ADAMTS17: variants seen among roughly 807,000 people sequenced by gnomAD.
ADAMTS17 encodes the protein A disintegrin and metalloproteinase with thrombospondin motifs 17.
Under a neutral mutation model 141.5 loss-of-function variants are expected in ADAMTS17, and 113 were observed. That is an observed-to-expected ratio of 0.80 (90% CI 0.69 to 0.93). ADAMTS17 has a LOEUF of 0.93. Ranked by LOEUF, ADAMTS17 falls within the 40% of genes least tolerant of loss-of-function variation. The pLI is 0.00. For missense variants in ADAMTS17, 1,659 were observed against 1,517.9 expected, an observed-to-expected ratio of 1.09 and a Z score of -1.54; for synonymous variants, 768 against 630.6, an observed-to-expected ratio of 1.22 and a Z score of -3.27.
intron 1 of ADAMTS17, 150 bp from the exon 2 acceptor site, chr15:100,341,559 G>T: frequency 1.2e-6 from 1 of 861,070 alleles, no homozygotes; most frequent in Non-Finnish European, 1.4e-6. Context: ...ACGCTGGCCC[G>T]CGCCACCCGG....
At chr15:100,333,515 G>C (rs756631787) in intron 2 of ADAMTS17, among the ~76,000 whole-genome samples, 1 of 152,170 alleles carries the variant, frequency 6.6e-6, no homozygotes, top group Non-Finnish European at 1.5e-5. Context: ...GTGTAGCCAG[G>C]GTTGAGAAGC....
chr15:100,277,665 C>T (rs999002641), intron 4 of ADAMTS17, among the ~76,000 whole-genome samples: 2 of 152,294 alleles, frequency 1.3e-5, no homozygotes, highest in East Asian at 1.9e-4. Flanking sequence ...ACCGGGGAGA[C>T]GTGGGTTTGT....
At chr15:100,287,486 C>A (rs751515224) in intron 3 of ADAMTS17, among the ~76,000 whole-genome samples, 7 of 152,080 alleles carry the variant, frequency 4.6e-5, no homozygotes, top group Non-Finnish European at 8.8e-5. Flanking sequence ...CATGAAAATT[C>A]CCCCAACCTC....
chr15:100,127,938 C>T (rs1273158994), intron 12 of ADAMTS17, among the ~76,000 whole-genome samples: 3 of 152,000 alleles, frequency 2.0e-5, no homozygotes, highest in Non-Finnish European at 4.4e-5. Context: ...ATACCTCTCC[C>T]ATGGGGCTGC....
chr15:100,325,000 C>G (rs1407464785), intron 3 of ADAMTS17, among the ~76,000 whole-genome samples: 1 of 152,208 alleles, frequency 6.6e-6, no homozygotes, highest in African/African-American at 2.4e-5. Flanking sequence ...GACCAGCCAA[C>G]GATGGTGTCT....
intron 4 of ADAMTS17, among the ~76,000 whole-genome samples, chr15:100,263,814 A>G (rs1451816841): frequency 6.6e-6 from 1 of 152,270 alleles, no homozygotes; most frequent in Non-Finnish European, 1.5e-5. Flanking sequence ...CAGCAGGAAC[A>G]TTAAAACTTT....
chr15:100,122,897 G>A (rs1407461734), intron 12 of ADAMTS17, among the ~76,000 whole-genome samples: 1 of 152,204 alleles, frequency 6.6e-6, no homozygotes, highest in Non-Finnish European at 1.5e-5. Context: ...GACCTGCACA[G>A]TTCAAACCCA....
chr15:100,207,186 A>G (rs1362887659), intron 7 of ADAMTS17, among the ~76,000 whole-genome samples: 1 of 152,064 alleles, frequency 6.6e-6, no homozygotes, highest in Non-Finnish European at 1.5e-5. Flanking sequence ...AAGAAGAGAC[A>G]CTAGAGGTAT....
In ADAMTS17 at chr15:100,054,019, C is replaced by A; in HGVS notation, c.2173G>T (p.Asp725Tyr). Reference sequence around the variant, plus strand: ...TCTCCGGGGAGCTCTATCTTCCAGTCACTGTTGATGGACCCCTTACCCGAG... The same window carrying A: ...TCTCCGGGGAGCTCTATCTTCCAGTAACTGTTGATGGACCCCTTACCCGAG... Reference protein sequence around the residue: ...KDSGKGSINSDWKIELPGEFQ... With the variant: ...KDSGKGSINSYWKIELPGEFQ... Residue 725 changes from aspartate (D) to tyrosine (Y), a missense_variant, in exon 16 of 22, where the codon GAC becomes TAC. Asp to Tyr is a radical substitution (Grantham distance 160). Coordinates refer to ENST00000268070, the MANE Select transcript of ADAMTS17 (RefSeq NM_139057.4). 5 of 1,614,172 alleles carry A rather than the reference C, an allele frequency of 3.1e-6. No individual in the cohort carries two copies. The highest frequency in any genetic ancestry group is 4.2e-6 in the Non-Finnish European group (5 of 1,180,030).
In ADAMTS17 at chr15:100,146,501, T is replaced by G. The variant is rs186453350; in HGVS notation, c.1473+6111A>C. ...AATCCTGTCAGCTGAGGAAGATGTA[T>G]GTCGTCTCAGGACCCTGTGATAATT... On this transcript the variant is annotated intron_variant, in intron 10 of 21. Transcript: ENST00000268070. 3.5e-3 allele frequency among the ~76,000 whole-genome samples: 534 copies of G among 152,350 alleles called. 7 individuals are homozygous for G. Among genetic ancestry groups the G allele is most frequent in the African/African-American group, 0.012 (507 of 41,580 alleles).
chr15:100,078,703 G>GA (rs920717761), intron 15 of ADAMTS17, among the ~76,000 whole-genome samples: 1 of 151,944 alleles, frequency 6.6e-6, no homozygotes, highest in African/African-American at 2.4e-5. Context: ...CGCAACAAAA[G>GA]AAAAAATAGT....
chr15:100,016,413 G>A (rs535354079), intron 18 of ADAMTS17, among the ~76,000 whole-genome samples: 3 of 152,170 alleles, frequency 2.0e-5, no homozygotes, highest in Non-Finnish European at 4.4e-5. Context: ...GAACAAGTGT[G>A]AGTTTTTTGG....
At chr15:100,144,007 C>G (rs1318127257) in intron 10 of ADAMTS17, among the ~76,000 whole-genome samples, 1 of 152,160 alleles carries the variant, frequency 6.6e-6, no homozygotes, top group African/African-American at 2.4e-5. Flanking sequence ...TCTGGAGGCA[C>G]CTGATGGAGC....
chr15:100,338,649 G>C (rs1044221507), intron 2 of ADAMTS17, among the ~76,000 whole-genome samples: 4 of 151,412 alleles, frequency 2.6e-5, no homozygotes, highest in African/African-American at 7.3e-5. Flanking sequence ...CTCATTTTTA[G>C]ATACAAGGAC....
chr15:100,247,571 G>T (rs2043026495), intron 7 of ADAMTS17, among the ~76,000 whole-genome samples: 1 of 152,192 alleles, frequency 6.6e-6, no homozygotes, highest in Admixed American at 6.5e-5. Context: ...GACCAATGTG[G>T]AAGGGACGAA....
At chr15:100,099,771 G>A (rs74802161) in intron 14 of ADAMTS17, among the ~76,000 whole-genome samples, 10,800 of 40,042 alleles carry the variant, frequency 0.27, 722 homozygotes, top group South Asian at 0.44. Context: ...GGGATGGAAC[G>A]GGGGGAAAAG....
chr15:100,199,103 C>T (rs536238166), intron 8 of ADAMTS17, among the ~76,000 whole-genome samples: 1 of 152,330 alleles, frequency 6.6e-6, no homozygotes, highest in East Asian at 1.9e-4. Context: ...TAGATGTGCA[C>T]ATCAAATTAA....
intron 3 of ADAMTS17, among the ~76,000 whole-genome samples, chr15:100,314,985 G>A (rs984573702): frequency 3.9e-5 from 6 of 152,236 alleles, no homozygotes; most frequent in South Asian, 2.1e-4. Flanking sequence ...GGCACAAGGA[G>A]TGAGGGGTCC....
At chr15:99,979,241 T>C (rs2060431618) in intron 20 of ADAMTS17, 1 of 151,904 alleles carries the variant, frequency 6.6e-6, no homozygotes, top group Non-Finnish European at 1.5e-5. Context: ...ATACAAAAAT[T>C]AGCCAGGCGT....
Sources: gnomAD v4.1 joint callset for allele counts (sites outside exome capture counted in the v4.1 genomes callset) on GRCh38, gnomAD v4.1.1 for gene constraint, MANE v1.5 for transcripts, NCBI Gene and HGNC (gene_info 2026-07-23, HGNC 2026-07-21) for gene names.